The following KIAA0825 variants were observed in gnomAD, a reference collection of about 807,000 sequenced individuals.
The protein encoded by KIAA0825 is uncharacterized protein KIAA0825.
A neutral mutation model predicts 147.6 loss-of-function variants in KIAA0825; 119 were observed. The ratio of observed to expected loss-of-function variants is 0.81; its 90% confidence interval spans 0.69 to 0.94. The LOEUF is 0.94. KIAA0825 is among the 40% of genes least tolerant of loss of function. The probability of loss-of-function intolerance (pLI) is 0.00; values close to 1 mark genes in which losing one functional copy is unlikely to be tolerated. For missense variants in KIAA0825, 1,381 were observed against 1,472.7 expected (o/e 0.94, Z 1.02); for synonymous variants, 470 against 518.1 (o/e 0.91, Z 1.26).
intron 5 of KIAA0825, among the ~76,000 whole-genome samples, chr5:94,499,386 T>G (rs1764764518): frequency 6.6e-6 from 1 of 152,144 alleles, no homozygotes; most frequent in South Asian, 2.1e-4. Flanking sequence ...AATACTGTTT[T>G]GTTCATCAAT....
intron 13 of KIAA0825, among the ~76,000 whole-genome samples, chr5:94,440,526 G>A (rs1363184686): frequency 1.3e-5 from 2 of 151,952 alleles, no homozygotes; most frequent in African/African-American, 4.8e-5. Context: ...GTTCTGATGA[G>A]TTTCACTAGT....
chr5:94,479,090 ATAT>A (rs908168621), intron 6 of KIAA0825, among the ~76,000 whole-genome samples: 6 of 152,282 alleles, frequency 3.9e-5, no homozygotes, highest in African/African-American at 1.2e-4. Flanking sequence ...AAATATAAAA[ATAT>A]TATTATTAAC....
intron 5 of KIAA0825, among the ~76,000 whole-genome samples, chr5:94,488,382 C>T (rs555774656): frequency 6.6e-6 from 1 of 152,216 alleles, no homozygotes; most frequent in Admixed American, 6.5e-5. Flanking sequence ...GACATAATAA[C>T]TATTATTTGG....
At chr5:94,212,542 T>C (rs1275735144) in intron 20 of KIAA0825, among the ~76,000 whole-genome samples, 1 of 152,170 alleles carries the variant, frequency 6.6e-6, no homozygotes, top group African/African-American at 2.4e-5. Context: ...GCAAAGACCT[T>C]AATTACTCAT....
chr5:94,598,157 C>G (rs778404745), intron 1 of KIAA0825, among the ~76,000 whole-genome samples: 15 of 151,948 alleles, frequency 9.9e-5, no homozygotes, highest in Non-Finnish European at 2.2e-4. Context: ...TATTTTTTTA[C>G]TTTTGTGTAA....
chr5:94,508,132 A>AT (rs879853305), intron 5 of KIAA0825, among the ~76,000 whole-genome samples: 11,950 of 145,306 alleles, frequency 0.082, 1,523 homozygotes, highest in African/African-American at 0.28. Context: ...GTGGTATGCA[A>AT]TTTTTTTTTT....
chr5:94,166,892 A>G (rs1374909298), intron 20 of KIAA0825, among the ~76,000 whole-genome samples: 6 of 152,170 alleles, frequency 3.9e-5, no homozygotes, highest in South Asian at 4.1e-4. Flanking sequence ...ACTATAGAAT[A>G]TGATGTTCTA....
chr5:94,361,346 T>C (rs1342064982), intron 20 of KIAA0825, among the ~76,000 whole-genome samples: 5 of 152,200 alleles, frequency 3.3e-5, no homozygotes, highest in African/African-American at 1.2e-4. Context: ...AAAGACAGAT[T>C]AGTCACACCA....
intron 20 of KIAA0825, among the ~76,000 whole-genome samples, chr5:94,363,076 G>C (rs1451914345): frequency 1.3e-5 from 2 of 151,980 alleles, no homozygotes; most frequent in African/African-American, 4.8e-5. Flanking sequence ...ACATCATGCT[G>C]ATGAGAAGAG....
chr5:94,421,233 G>T (rs1413915586), intron 14 of KIAA0825, among the ~76,000 whole-genome samples: 1 of 152,188 alleles, frequency 6.6e-6, no homozygotes, highest in Non-Finnish European at 1.5e-5. Flanking sequence ...AAGGATCAAG[G>T]CTATGTTGGA....
chr5:94,557,644 T>C (rs1377869650), intron 2 of KIAA0825, among the ~76,000 whole-genome samples: 1 of 152,052 alleles, frequency 6.6e-6, no homozygotes, highest in African/African-American at 2.4e-5. Context: ...AATCAGGTAG[T>C]AAAGAGAGCT....
At chr5:94,607,547 T>C (rs1484780441) in intron 1 of KIAA0825, among the ~76,000 whole-genome samples, 1 of 152,066 alleles carries the variant, frequency 6.6e-6, no homozygotes, top group Non-Finnish European at 1.5e-5. Flanking sequence ...AGACGGAGGT[T>C]GTAGTGAGCC....
At chr5:94,450,218 T>C (rs1263555990) in intron 13 of KIAA0825, among the ~76,000 whole-genome samples, 1 of 151,526 alleles carries the variant, frequency 6.6e-6, no homozygotes, top group Non-Finnish European at 1.5e-5. Context: ...ACCCCACCAC[T>C]ATATATCCTT....
In KIAA0825 at chr5:94,400,846, G is replaced by C. The variant is rs368284402; in HGVS notation, c.2887+2723C>G. On this transcript the variant is annotated intron_variant, in intron 16 of 20. Coordinates refer to ENST00000682413, the MANE Select transcript of KIAA0825 (RefSeq NM_001145678.3). ...ATCTTCAGTGTTTTTTAATGTCACAGTATTTGCTGATAAAGAAATGAAGAA... is the reference window on the plus strand; with the variant it reads ...ATCTTCAGTGTTTTTTAATGTCACACTATTTGCTGATAAAGAAATGAAGAA... 1.6e-4 allele frequency among the ~76,000 whole-genome samples: 25 copies of C among 152,090 alleles called. No homozygotes were observed. The East Asian group carries it at 4.1e-3, about 25-fold the overall frequency.
chr5:94,535,283 G>A (rs953323826), intron 3 of KIAA0825, among the ~76,000 whole-genome samples: 3 of 151,948 alleles, frequency 2.0e-5, no homozygotes, highest in Non-Finnish European at 2.9e-5. Flanking sequence ...GCTGAGGCGG[G>A]TGGATCACCT....
chr5:94,462,640 A>T, intron 11 of KIAA0825, 71 bp from the exon 12 acceptor site: 1 of 856,980 alleles, frequency 1.2e-6, no homozygotes, highest in Non-Finnish European at 1.8e-6. Flanking sequence ...ACTTTCATTC[A>T]TATCTCTTGT....
intron 1 of KIAA0825, among the ~76,000 whole-genome samples, chr5:94,603,687 C>A (rs1317098040): frequency 2.6e-5 from 4 of 152,180 alleles, no homozygotes; most frequent in Admixed American, 6.5e-5. Context: ...ACCCATCTCA[C>A]ATGCGATGAC....
intron 14 of KIAA0825, among the ~76,000 whole-genome samples, chr5:94,421,937 C>T (rs1019571038): frequency 1.3e-5 from 2 of 152,122 alleles, no homozygotes; most frequent in African/African-American, 4.8e-5. Flanking sequence ...TGGTGCTCAT[C>T]CATAAACATT....
intron 14 of KIAA0825, among the ~76,000 whole-genome samples, chr5:94,432,751 C>G (rs1347834003): frequency 1.3e-5 from 2 of 152,138 alleles, no homozygotes; most frequent in Non-Finnish European, 2.9e-5. Flanking sequence ...CAAAACAAAA[C>G]ACATGGCTGG....
Sources: gnomAD v4.1 joint callset for allele counts (sites outside exome capture counted in the v4.1 genomes callset) on GRCh38, gnomAD v4.1.1 for gene constraint, MANE v1.5 for transcripts, NCBI Gene and HGNC (gene_info 2026-07-23, HGNC 2026-07-21) for gene names.